SORCS2: variants seen among roughly 807,000 people sequenced by gnomAD.
SORCS2 encodes the protein sortilin related VPS10 domain containing receptor 2.
In SORCS2, 100 loss-of-function variants were observed where a neutral mutation model predicts 141.6. That is an observed-to-expected ratio of 0.71 (90% CI 0.60 to 0.83). The LOEUF is 0.83. SORCS2 is among the 40% of genes least tolerant of loss of function. The probability of loss-of-function intolerance (pLI) is 0.00; values close to 1 mark genes in which losing one functional copy is unlikely to be tolerated. For missense variants in SORCS2, 1,646 were observed against 1,560.2 expected (o/e 1.05, Z -0.93); for synonymous variants, 789 against 676.9 (o/e 1.17, Z -2.57).
intron 2 of SORCS2, among the ~76,000 whole-genome samples, chr4:7,401,567 C>G (rs1577504064): frequency 6.6e-6 from 1 of 152,228 alleles, no homozygotes; most frequent in African/African-American, 2.4e-5. Flanking sequence ...CCTTGGGCTG[C>G]TCCCTATGTC....
intron 3 of SORCS2, among the ~76,000 whole-genome samples, chr4:7,584,710 G>T (rs1469889474): frequency 1.3e-5 from 2 of 152,144 alleles, no homozygotes; most frequent in East Asian, 3.9e-4. Flanking sequence ...GCTCAGCTGG[G>T]GGGAGGTTGC....
chr4:7,257,819 C>T (rs1404640351), intron 1 of SORCS2, among the ~76,000 whole-genome samples: 1 of 152,190 alleles, frequency 6.6e-6, no homozygotes, highest in African/African-American at 2.4e-5. Flanking sequence ...TACCTGGCCT[C>T]CCTGGCCCTG....
At chr4:7,727,369 GC>G (rs1201371031) in intron 21 of SORCS2, among the ~76,000 whole-genome samples, 1 of 152,146 alleles carries the variant, frequency 6.6e-6, no homozygotes, top group African/African-American at 2.4e-5. Flanking sequence ...CTCACTGGGG[GC>G]TCTTAGTCCC....
chr4:7,283,459 T>C (rs1716015891), intron 1 of SORCS2, among the ~76,000 whole-genome samples: 1 of 152,164 alleles, frequency 6.6e-6, no homozygotes, highest in African/African-American at 2.4e-5. Flanking sequence ...TGGAGAGTGC[T>C]TGAAACTGCT....
In SORCS2 at chr4:7,521,830, C is replaced by T. The variant is rs538689904; in HGVS notation, c.549-9700C>T. 3.3e-5 allele frequency among the ~76,000 whole-genome samples: 5 copies of T among 152,358 alleles called. No individual in the cohort carries two copies. In the South Asian group the frequency reaches 1.0e-3, roughly 32 times the overall value. On this transcript the variant is annotated intron_variant, in intron 2 of 26. Transcript: ENST00000507866. ...GGGGTTCTGGGGTCCACTCAAGGGGCCTTGCAGCTGCCAAGTGCAGAACAG... is the reference window on the plus strand; with the variant it reads ...GGGGTTCTGGGGTCCACTCAAGGGGTCTTGCAGCTGCCAAGTGCAGAACAG...
At chr4:7,288,089 G>C (rs573283711) in intron 1 of SORCS2, among the ~76,000 whole-genome samples, 84 of 152,268 alleles carry the variant, frequency 5.5e-4, no homozygotes, top group Non-Finnish European at 8.7e-4. Flanking sequence ...TTCAGATGGG[G>C]CTCCCCGGGG....
At chr4:7,550,448 G>T (rs1350329320) in intron 3 of SORCS2, among the ~76,000 whole-genome samples, 1 of 152,216 alleles carries the variant, frequency 6.6e-6, no homozygotes, top group Non-Finnish European at 1.5e-5. Context: ...TGTGTGGTGG[G>T]CAGCCAGGCG....
intron 4 of SORCS2, among the ~76,000 whole-genome samples, chr4:7,650,731 CCCAGCCCAGCCCAGCCCAGCCCAGCCCA>C (rs1721387139): frequency 2.2e-5 from 2 of 89,952 alleles, no homozygotes; most frequent in Non-Finnish European, 4.1e-5. Flanking sequence ...CCCCGCCCAG[CCCAGCCCAGCCCAGCCCAGCCCAGCCCA>C]GCCCAGCCCA....
At chr4:7,322,206 C>T (rs549813706) in intron 1 of SORCS2, among the ~76,000 whole-genome samples, 27 of 152,300 alleles carry the variant, frequency 1.8e-4, no homozygotes, top group Admixed American at 1.4e-3. Flanking sequence ...GCCTGGAGAC[C>T]CAGTGCTTGT....
At chr4:7,602,750 ACGGGGTGGCGGC>A (rs1221880292) in intron 3 of SORCS2, among the ~76,000 whole-genome samples, 2 of 151,868 alleles carry the variant, frequency 1.3e-5, no homozygotes, top group Non-Finnish European at 2.9e-5. Context: ...CACTTCCCAG[ACGGGGTGGCGGC>A]CGGGCAGAGG....
Position 7,569,511 on chromosome 4 carries a change from G to A in SORCS2, c.648+37882G>A, listed in dbSNP as rs573127844. ...TGGGGGACAGACAGGGCAAGACTCC[G>A]TCGCAAAAAAGAAAAAAGAAATATC... On this transcript the variant is annotated intron_variant, in intron 3 of 26. Coordinates refer to ENST00000507866, the MANE Select transcript of SORCS2 (RefSeq NM_020777.3). 1.2e-4 allele frequency among the ~76,000 whole-genome samples: 18 copies of A among 152,226 alleles called. No individual in the cohort carries two copies. The East Asian group carries it at 2.5e-3, about 21-fold the overall frequency.
chr4:7,237,121 C>T (rs1257192356), intron 1 of SORCS2, among the ~76,000 whole-genome samples: 4 of 152,108 alleles, frequency 2.6e-5, no homozygotes, highest in Non-Finnish European at 5.9e-5. Context: ...TCAAGTCCGG[C>T]CGAGAACAGA....
chr4:7,261,742 CG>C (rs760756669), intron 1 of SORCS2, among the ~76,000 whole-genome samples: 7 of 152,214 alleles, frequency 4.6e-5, no homozygotes, highest in Non-Finnish European at 1.0e-4. Context: ...AAAAACACCT[CG>C]GGACCGGCCT....
intron 4 of SORCS2, among the ~76,000 whole-genome samples, chr4:7,640,579 G>A (rs920171774): frequency 7.3e-5 from 11 of 151,474 alleles, no homozygotes; most frequent in Admixed American, 5.3e-4. Flanking sequence ...GTAAGGACTC[G>A]GGCCTTCGTT....
At chr4:7,207,838 G>T (rs755387508) in intron 1 of SORCS2, among the ~76,000 whole-genome samples, 5 of 152,174 alleles carry the variant, frequency 3.3e-5, no homozygotes, top group Non-Finnish European at 7.3e-5. Context: ...GTTGACATCT[G>T]GTTTTTCACA....
At chr4:7,611,748 G>A (rs186013575) in intron 3 of SORCS2, among the ~76,000 whole-genome samples, 9 of 152,374 alleles carry the variant, frequency 5.9e-5, no homozygotes, top group African/African-American at 2.2e-4. Flanking sequence ...AAAATGACAT[G>A]GAATTCAGTT....
intron 1 of SORCS2, among the ~76,000 whole-genome samples, chr4:7,299,730 C>T (rs1272626916): frequency 6.6e-6 from 1 of 152,236 alleles, no homozygotes; most frequent in Non-Finnish European, 1.5e-5. Flanking sequence ...CTTCCTCCAA[C>T]TTCCCATCCC....
chr4:7,715,386 C>T, intron 17 of SORCS2, 75 bp downstream of exon 17: 1 of 1,575,632 alleles, frequency 6.3e-7, no homozygotes, highest in Non-Finnish European at 8.6e-7. Context: ...ACCACGCCTT[C>T]CTGGCTGGTG....
In SORCS2 at chr4:7,639,417, T is replaced by C. The variant is rs1284839505; in HGVS notation, c.813+925T>C. Among the ~76,000 whole-genome samples, 16 of 117,630 alleles carry C rather than the reference T, an allele frequency of 1.4e-4. 1 individual carries two copies. Among genetic ancestry groups the C allele is most frequent in the Non-Finnish European group, 1.9e-5 (1 of 52,752 alleles). The allele number at this position is 117,630 out of a possible 152,430, so 77.2% of individuals were successfully genotyped here. ...CTCCATGCTGCCTACTGCATAAGTG[T>C]GTGTGTGTATGCACACTTGTAAGTG... On this transcript the variant is annotated intron_variant, in intron 4 of 26. Coordinates refer to ENST00000507866, the MANE Select transcript of SORCS2 (RefSeq NM_020777.3).
Sources: gnomAD v4.1 joint callset for allele counts (sites outside exome capture counted in the v4.1 genomes callset) on GRCh38, gnomAD v4.1.1 for gene constraint, MANE v1.5 for transcripts, NCBI Gene and HGNC (gene_info 2026-07-23, HGNC 2026-07-21) for gene names.